Variants in NBEAL1 observed in about 807,000 individuals in gnomAD.
NBEAL1 encodes the protein neurobeachin-like protein 1.
NBEAL1 carries 273 observed loss-of-function variants against 351.3 expected under a neutral mutation model. The ratio of observed to expected loss-of-function variants is 0.78; its 90% CI spans 0.70 to 0.86. The LOEUF (loss-of-function observed/expected upper bound fraction) is 0.86, where lower values mean the gene tolerates loss of function less well. Among genes scored for constraint, NBEAL1 ranks in the 40% least tolerant of loss-of-function variants. NBEAL1 has a pLI of 0.00. For missense variants in NBEAL1, 2,961 were observed against 3,201.3 expected, an observed-to-expected ratio of 0.92 and a Z score of 1.81; for synonymous variants, 1,050 against 1,086.4, an observed-to-expected ratio of 0.97 and a Z score of 0.66.
chr2:203,193,840 CCAACCAAA>C lies in NBEAL1; in HGVS notation c.6968_6975del (p.Pro2323HisfsTer14), dbSNP rs1335877343. The C allele has an allele frequency of 6.2e-6, 10 of 1,612,494 alleles. No individual in the cohort carries two copies. Among genetic ancestry groups the C allele is most frequent in the Non-Finnish European group, 8.5e-6 (10 of 1,179,252 alleles). On this transcript the variant is annotated frameshift_variant, in exon 47 of 56. Transcript: ENST00000683969. LOFTEE classifies it high-confidence loss of function. ...ATCAGCAGAAGAAGCAGTGCAGAAG[CCAACCAAA>C]ATAGACACTTCAACCCTAAACCTGT...
intron 2 of NBEAL1, among the ~76,000 whole-genome samples, chr2:203,024,500 CA>C (rs1268390095): frequency 6.8e-6 from 1 of 147,270 alleles, no homozygotes; most frequent in Non-Finnish European, 1.5e-5. Flanking sequence ...TGCAGTGGGT[CA>C]AATTTGTGCC....
intron 8 of NBEAL1, among the ~76,000 whole-genome samples, chr2:203,078,296 T>C (rs556793273): frequency 1.3e-5 from 2 of 152,310 alleles, no homozygotes; most frequent in South Asian, 4.1e-4. Flanking sequence ...AAAAAGAATT[T>C]CTAGTATTTT....
chr2:203,169,268 G>A (rs1201652154), intron 38 of NBEAL1, among the ~76,000 whole-genome samples: 6 of 151,790 alleles, frequency 4.0e-5, no homozygotes, highest in Non-Finnish European at 8.8e-5. Flanking sequence ...TAATTGTCAG[G>A]GAATGGGAAG....
intron 42 of NBEAL1, 142 bp from the exon 43 acceptor site, chr2:203,180,240 T>C: frequency 1.7e-6 from 1 of 590,580 alleles, no homozygotes; most frequent in Non-Finnish European, 2.9e-6. Context: ...GAGAGTAAAT[T>C]GTACATGTAG....
intron 25 of NBEAL1, among the ~76,000 whole-genome samples, chr2:203,130,901 A>T (rs2063057109): frequency 6.6e-6 from 1 of 152,238 alleles, no homozygotes; most frequent in Non-Finnish European, 1.5e-5. Flanking sequence ...CATTTTACAG[A>T]TGAAGAAACT....
chr2:203,023,946 T>TTAAA (rs1230516781), intron 2 of NBEAL1, among the ~76,000 whole-genome samples: 7 of 152,006 alleles, frequency 4.6e-5, no homozygotes, highest in East Asian at 1.9e-4. Context: ...TCTCTGTTAT[T>TTAAA]TAAATAAATA....
intron 6 of NBEAL1, among the ~76,000 whole-genome samples, chr2:203,058,096 C>T (rs2106097519): frequency 6.6e-6 from 1 of 152,244 alleles, no homozygotes; most frequent in Non-Finnish European, 1.5e-5. Flanking sequence ...CCTGCCTCGG[C>T]CTCCCAAAGT....
At chr2:203,094,911 C>T (rs980942648) in intron 10 of NBEAL1, among the ~76,000 whole-genome samples, 1 of 152,224 alleles carries the variant, frequency 6.6e-6, no homozygotes. Flanking sequence ...CATCTGAGGT[C>T]GGGAGTTCTA....
intron 29 of NBEAL1, 141 bp downstream of exon 29, chr2:203,136,915 CCTAT>C: frequency 1.4e-6 from 1 of 719,062 alleles, no homozygotes. Flanking sequence ...AGTTCCTTTT[CCTAT>C]CTTTTGCCGT....
intron 4 of NBEAL1, among the ~76,000 whole-genome samples, chr2:203,050,905 A>G (rs950839683): frequency 6.6e-6 from 1 of 152,216 alleles, no homozygotes; most frequent in African/African-American, 2.4e-5. Flanking sequence ...TTCAAGAACC[A>G]TTGGTTTATT....
At chr2:203,082,086 G>A (rs2106162312) in intron 8 of NBEAL1, among the ~76,000 whole-genome samples, 1 of 152,148 alleles carries the variant, frequency 6.6e-6, no homozygotes, top group African/African-American at 2.4e-5. Flanking sequence ...GACCTTGTCT[G>A]AAAAAATAAA....
intron 41 of NBEAL1, among the ~76,000 whole-genome samples, chr2:203,174,292 G>T (rs2064424792): frequency 2.1e-5 from 3 of 141,576 alleles, no homozygotes. Context: ...TAGTTAAATT[G>T]TGGTACATCT....
chr2:203,113,017 C>G lies in NBEAL1; in HGVS notation c.2205C>G (p.Pro735=), dbSNP rs765210546. ...GTAATTTGTTTGTTTGTTTTTAGCC[C>G]TTTACTTCCTGTTGCATTGGTTCAG... The part of the protein sequence containing the change: ...APLRFPAMNE[P]FTSCCIGSAG... The change falls in exon 17 of 56, where the codon CCC becomes CCG. Residue 735 remains proline, a splice_region_variant and synonymous_variant. Transcript: ENST00000683969. The G allele has an allele frequency of 1.3e-5, 19 of 1,444,654 alleles. No homozygotes were observed. The highest frequency in any genetic ancestry group is 1.5e-5 in the Non-Finnish European group (16 of 1,094,258). 89.5% of individuals were successfully genotyped at this position (1,444,654 alleles called of 1,614,324 possible).
At chr2:203,019,023 AG>A (rs2105987626) in intron 2 of NBEAL1, among the ~76,000 whole-genome samples, 1 of 152,314 alleles carries the variant, frequency 6.6e-6, no homozygotes, top group South Asian at 2.1e-4. Context: ...TTTCATGTAT[AG>A]GCTCCCCTTC....
In NBEAL1 at chr2:203,134,168, TC is replaced by T. The variant is rs1425217426; in HGVS notation, c.3813+1025del. Among the ~76,000 whole-genome samples the T allele has an allele frequency of 2.0e-5, 3 of 152,338 alleles. No individual in the cohort carries two copies. In the East Asian group the frequency reaches 5.8e-4, roughly 29 times the overall value. ...AACAGTGTGTGTGACAGTGATTATT[TC>T]CCTATGTACTTAGCTCTGAGTATTT... On this transcript the variant is annotated intron_variant, in intron 27 of 55. Transcript: ENST00000683969.
intron 2 of NBEAL1, chr2:203,040,600 A>G (rs1361452721): frequency 1.6e-5 from 11 of 675,254 alleles, no homozygotes; most frequent in Non-Finnish European, 3.0e-5. Flanking sequence ...GAATAAGACC[A>G]TCCCTCTGAC....
chr2:203,095,351 A>G (rs940127530), intron 10 of NBEAL1, among the ~76,000 whole-genome samples: 1 of 151,416 alleles, frequency 6.6e-6, no homozygotes, highest in African/African-American at 2.4e-5. Context: ...CTGGAGTGCA[A>G]TGGCTCGATC....
At chr2:203,208,541 T>A in intron 51 of NBEAL1, 96 bp from the exon 52 acceptor site, 1 of 777,200 alleles carries the variant, frequency 1.3e-6, no homozygotes, top group Non-Finnish European at 2.2e-6. Flanking sequence ...GTTGCAATGT[T>A]AGTTTGTGAT....
chr2:203,190,732 C>A, intron 46 of NBEAL1: 1 of 1,405,394 alleles, frequency 7.1e-7, no homozygotes, highest in East Asian at 2.5e-5. Context: ...GTGCAACTTT[C>A]TTCGGTCGTC....
Sources: allele counts gnomAD v4.1 joint callset (sites outside exome capture counted in the v4.1 genomes callset), GRCh38; gene constraint gnomAD v4.1.1; transcripts MANE v1.5; gene names NCBI Gene and HGNC (gene_info 2026-07-23, HGNC 2026-07-21).